PARP8: variants seen among roughly 807,000 people sequenced by gnomAD.
PARP8 encodes protein mono-ADP-ribosyltransferase PARP8.
PARP8 carries 51 observed loss-of-function variants against 124.1 expected under a neutral mutation model. The observed-to-expected ratio is 0.41, with a 90% CI of 0.33 to 0.52. The LOEUF (loss-of-function observed/expected upper bound fraction) is 0.52, where lower values mean the gene tolerates loss of function less well. Among genes scored for constraint, PARP8 ranks in the 20% least tolerant of loss-of-function variants. PARP8 has a pLI of 0.21. For missense variants in PARP8, 860 were observed against 1,018.9 expected (o/e 0.84, Z 2.12); for synonymous variants, 391 against 361.5 (o/e 1.08, Z -0.93).
At chr5:50,699,122 G>A (rs1359410618) in intron 2 of PARP8, among the ~76,000 whole-genome samples, 1 of 152,190 alleles carries the variant, frequency 6.6e-6, no homozygotes, top group Non-Finnish European at 1.5e-5. Flanking sequence ...GATGACTTCA[G>A]TTCCATTTAA....
At position 50,769,616 on chromosome 5, in the gene PARP8, T is replaced by G. The variant is rs1410216922; in HGVS notation, c.518+6374T>G. 3.3e-5 allele frequency among the ~76,000 whole-genome samples: 5 copies of G among 151,812 alleles called. No homozygotes were observed. The East Asian group carries it at 9.6e-4, about 29-fold the overall frequency. On this transcript the variant is annotated intron_variant, in intron 7 of 25. Transcript: ENST00000281631. ...TATCCAGTTGCTGTTTACCAATATT[T>G]ATAGTGTAAACAAAAAAGGAATTGT...
At chr5:50,715,215 A>G (rs1449364745) in intron 2 of PARP8, among the ~76,000 whole-genome samples, 7 of 152,106 alleles carry the variant, frequency 4.6e-5, no homozygotes, top group South Asian at 2.1e-4. Context: ...AGCGTCTCAC[A>G]TGGTCTTTAT....
rs955334405 is a variant in PARP8 at position 50,744,766 on chromosome 5, A to C, written c.147-5385A>C. On this transcript the variant is annotated intron_variant, in intron 2 of 25. Coordinates refer to ENST00000281631, the MANE Select transcript of PARP8 (RefSeq NM_024615.4). Reference sequence around the variant, plus strand: ...CAGAGCTTGCTCCAGGGATGTGAGGACAAAAGATGAGTATGACTTTTAAAA... The same window carrying C: ...CAGAGCTTGCTCCAGGGATGTGAGGCCAAAAGATGAGTATGACTTTTAAAA... The C allele has an allele frequency of 4.1e-5, 29 of 701,584 alleles. No homozygotes were observed. In the Admixed American group the frequency reaches 5.6e-4, roughly 14 times the overall value. The allele number at this position is 701,584 out of a possible 1,614,324, so 43.5% of individuals were successfully genotyped here.
chr5:50,769,582 G>T (rs7700920), intron 7 of PARP8, among the ~76,000 whole-genome samples: 6,404 of 151,832 alleles, frequency 0.042, 458 homozygotes, highest in African/African-American at 0.15. Context: ...GATGCACATA[G>T]ATTTTTTTTA....
At chr5:50,786,355 G>C (rs1002767430) in intron 9 of PARP8, among the ~76,000 whole-genome samples, 1 of 150,568 alleles carries the variant, frequency 6.6e-6, no homozygotes, top group African/African-American at 2.4e-5. Flanking sequence ...CCTCCTCCTT[G>C]AAAATCTTTT....
chr5:50,822,166 G>C (rs1745830427), intron 16 of PARP8, among the ~76,000 whole-genome samples, 169 bp from the exon 17 acceptor site: 1 of 152,114 alleles, frequency 6.6e-6, no homozygotes, highest in African/African-American at 2.4e-5. Flanking sequence ...AAGTCCTGGA[G>C]CCATCTTATT....
chr5:50,695,689 T>A (rs1408022537), intron 2 of PARP8, among the ~76,000 whole-genome samples: 1 of 37,564 alleles, frequency 2.7e-5, no homozygotes, highest in African/African-American at 4.7e-5. Flanking sequence ...AATTTTTTTC[T>A]AATAACAAAT....
In PARP8 at chr5:50,842,072, A is replaced by C; in HGVS notation, c.*4A>C. On this transcript the variant is annotated 3_prime_UTR_variant, in exon 26 of 26. Coordinates refer to ENST00000281631, the MANE Select transcript of PARP8 (RefSeq NM_024615.4). ...TAATCAAACTGCTACTGGTTAAAGG[A>C]CCACCATTTAATTAACATGATTCGA... 1.3e-6 allele frequency: 2 copies of C among 1,572,536 alleles called. No homozygotes were observed. Among genetic ancestry groups the C allele is most frequent in the Non-Finnish European group, 1.7e-6 (2 of 1,149,356 alleles).
rs544525523 is a variant in PARP8 at position 50,805,937 on chromosome 5, C to G, written c.1575+8704C>G. Among the ~76,000 whole-genome samples, 100 of 152,150 alleles carry G rather than the reference C, an allele frequency of 6.6e-4. 1 individual carries two copies. The Middle Eastern group carries it at 0.014, about 21-fold the overall frequency. ...TCCTTATGAGAATAGGGGGATTTCT[C>G]TGGTCATCTCAACCTGCCCCACTTA... On this transcript the variant is annotated intron_variant, in intron 14 of 25. Coordinates refer to ENST00000281631, the MANE Select transcript of PARP8 (RefSeq NM_024615.4).
At chr5:50,708,886 A>G (rs549262993) in intron 2 of PARP8, among the ~76,000 whole-genome samples, 4 of 152,130 alleles carry the variant, frequency 2.6e-5, no homozygotes, top group Admixed American at 1.3e-4. Flanking sequence ...GGCTCAAGCA[A>G]TTCTCCTGCT....
chr5:50,705,423 A>C (rs1322350977), intron 2 of PARP8, among the ~76,000 whole-genome samples: 1 of 152,178 alleles, frequency 6.6e-6, no homozygotes, highest in African/African-American at 2.4e-5. Context: ...AAACAATGTG[A>C]AGGTGGTAAA....
intron 14 of PARP8, 48 bp from the exon 15 acceptor site, chr5:50,815,384 T>C (rs762532293): frequency 2.8e-5 from 38 of 1,340,154 alleles, no homozygotes; most frequent in Non-Finnish European, 3.7e-5. Flanking sequence ...AATTTTGATA[T>C]TGAGAGTTGG....
intron 2 of PARP8, among the ~76,000 whole-genome samples, chr5:50,703,420 A>AGAT (rs1203566127): frequency 1.3e-5 from 2 of 152,016 alleles, no homozygotes; most frequent in Non-Finnish European, 2.9e-5. Context: ...TGGATATGAG[A>AGAT]GATGATATTT....
At chr5:50,795,925 A>G (rs1424566870) in intron 12 of PARP8, among the ~76,000 whole-genome samples, 1 of 152,216 alleles carries the variant, frequency 6.6e-6, no homozygotes, top group East Asian at 1.9e-4. Flanking sequence ...AGCCTCACTT[A>G]AAGTTGTTCT....
At chr5:50,831,568 A>G (rs1273743878) in intron 22 of PARP8, among the ~76,000 whole-genome samples, 2 of 152,252 alleles carry the variant, frequency 1.3e-5, no homozygotes, top group Non-Finnish European at 2.9e-5. Context: ...GAAGAAATCT[A>G]TTAAAATCAG....
intron 14 of PARP8, among the ~76,000 whole-genome samples, chr5:50,813,472 T>C (rs530127817): frequency 1.3e-5 from 2 of 152,228 alleles, no homozygotes; most frequent in African/African-American, 2.4e-5. Flanking sequence ...AAGTTGCTTA[T>C]CAGCTTAAGG....
chr5:50,813,582 A>G (rs1744731772), intron 14 of PARP8, among the ~76,000 whole-genome samples: 1 of 152,032 alleles, frequency 6.6e-6, no homozygotes, highest in Admixed American at 6.6e-5. Flanking sequence ...GATACCCTTT[A>G]TTTCTTTCTC....
chr5:50,753,400 G>A (rs1336930099), intron 3 of PARP8, among the ~76,000 whole-genome samples: 1 of 151,900 alleles, frequency 6.6e-6, no homozygotes, highest in African/African-American at 2.4e-5. Flanking sequence ...TCTTAAGTGA[G>A]AATTAGAATA....
At chr5:50,820,813 T>C (rs1745680862) in intron 15 of PARP8, among the ~76,000 whole-genome samples, 1 of 152,234 alleles carries the variant, frequency 6.6e-6, no homozygotes, top group Admixed American at 6.5e-5. Context: ...TATTTTTTTA[T>C]AACATTTAAC....
Sources: allele counts gnomAD v4.1 joint callset (sites outside exome capture counted in the v4.1 genomes callset), GRCh38; gene constraint gnomAD v4.1.1; transcripts MANE v1.5; gene names NCBI Gene and HGNC (gene_info 2026-07-23, HGNC 2026-07-21).